ERF: variants seen among roughly 807,000 people sequenced by gnomAD.
ERF encodes ETS2 repressor factor, also known as ETS domain-containing transcription factor ERF.
In ERF, 10 loss-of-function variants were observed where a neutral mutation model predicts 41.6. That is an observed-to-expected ratio of 0.24 (90% CI 0.15 to 0.41). The LOEUF is 0.41. Ranked by LOEUF, ERF falls within the 10% of genes least tolerant of loss-of-function variation. The pLI, the probability that ERF is intolerant of heterozygous loss-of-function variation, is 1.00. For synonymous variants in ERF, 395 were observed against 342.4 expected, an observed-to-expected ratio of 1.15 and a Z score of -1.70; for missense variants, 621 against 763.2, an observed-to-expected ratio of 0.81 and a Z score of 2.19.
chr19:42,253,117 T>C (rs899604856), intron 1 of ERF, among the ~76,000 whole-genome samples: 3 of 152,132 alleles, frequency 2.0e-5, no homozygotes, highest in African/African-American at 7.2e-5. Flanking sequence ...ACAAAACTCC[T>C]GGGCACCCCC....
In ERF at chr19:42,250,164, CTG is replaced by C. The variant is rs562933325; in HGVS notation, c.257+165_257+166del. ...ACTGTAATCTCTCCTCAGGATACGT[CTG>C]TGTTACCAAGGGGCTCAGGGAAGGG... On this transcript the variant is annotated intron_variant, in intron 2 of 3. Transcript: ENST00000222329. This position sits in a 1 kb window ranked among gnomAD's most constrained non-coding sequence, Gnocchi z 5.1. The C allele has an allele frequency of 1.8e-4, 144 of 803,754 alleles. 1 individual carries two copies. The African/African-American group carries it at 2.3e-3, about 13-fold the overall frequency. The allele number at this position is 803,754 out of a possible 1,614,324, so 49.8% of individuals were successfully genotyped here.
chr19:42,254,162 G>A (rs1227505582), intron 1 of ERF, among the ~76,000 whole-genome samples: 1 of 151,918 alleles, frequency 6.6e-6, no homozygotes, highest in South Asian at 2.1e-4. Context: ...GCAAGTTGGC[G>A]GGGAAGAGAG....
chr19:42,253,703 A>AT (rs1232331176), intron 1 of ERF: 1 of 272,700 alleles, frequency 3.7e-6, no homozygotes, highest in Non-Finnish European at 5.6e-6. Context: ...CCGGGTCCCA[A>AT]TCCCCTGGCG....
rs768002948 is a variant in ERF, at chr19:42,249,281, G to A, written c.831C>T (p.Tyr277=). 2 of 1,606,110 alleles carry A rather than the reference G, an allele frequency of 1.2e-6. No homozygotes were observed. The highest frequency in any genetic ancestry group is 2.2e-5 in the East Asian group (1 of 44,544). The change falls in exon 4 of 4, where the codon TAC becomes TAT. Residue 277 remains tyrosine, a synonymous_variant. Coordinates refer to ENST00000222329, the MANE Select transcript of ERF (RefSeq NM_006494.4). The surrounding 1 kb of genome is among the most constrained non-coding windows in gnomAD (Gnocchi z 8.6). ...TCGGGCTCAGCGTGGGCGAGGGAGTGTAGGCCAGGTGGGTGGGCGTCATGG... is the reference window on the plus strand; with the variant it reads ...TCGGGCTCAGCGTGGGCGAGGGAGTATAGGCCAGGTGGGTGGGCGTCATGG... The part of the protein sequence containing the change: ...ALPMTPTHLA[Y]TPSPTLSPMY...
chr19:42,255,031 C>A lies in ERF; in HGVS notation c.-32G>T. ...GGGCCCGGGGCGAAGCGCCCCGATT[C>A]CGGGCCGCGGCTCCCGGCGCCCTCG... On this transcript the variant is annotated 5_prime_UTR_variant, in exon 1 of 4. Transcript: ENST00000222329. 7.2e-7 allele frequency: 1 copy of A among 1,389,348 alleles called. No individual in the cohort carries two copies. Among genetic ancestry groups the A allele is most frequent in the Non-Finnish European group, 9.3e-7 (1 of 1,072,308 alleles). 86.1% of individuals were successfully genotyped at this position (1,389,348 alleles called of 1,614,324 possible).
intron 1 of ERF, among the ~76,000 whole-genome samples, chr19:42,251,068 A>G (rs2036437278): frequency 6.6e-6 from 1 of 151,396 alleles, no homozygotes; most frequent in Non-Finnish European, 1.5e-5. Context: ...ACCTGAGAGG[A>G]AGATTTTTTT....
At position 42,248,615 on chromosome 19, in the gene ERF, G is replaced by GC. The variant is rs773520356; in HGVS notation, c.1496dup (p.Ala501ArgfsTer5). 6.3e-7 allele frequency: 1 copy of GC among 1,581,176 alleles called. No individual in the cohort carries two copies. Among genetic ancestry groups the GC allele is most frequent in the Non-Finnish European group, 8.6e-7 (1 of 1,161,614 alleles). ...CCTCATCCTCAAAGCCCCCAGCGGG[G>GC]CCCCCACCCCCTTCGAGGCGACAGT... On this transcript the variant is annotated frameshift_variant, in exon 4 of 4. Coordinates refer to ENST00000222329, the MANE Select transcript of ERF (RefSeq NM_006494.4). LOFTEE classifies it high-confidence loss of function. The surrounding 1 kb of genome is among the most constrained non-coding windows in gnomAD (Gnocchi z 4.2).
rs1366176199 is a variant in ERF, at chr19:42,248,542, GC to G, written c.1569del (p.Leu525SerfsTer6). 1.7e-5 allele frequency: 26 copies of G among 1,548,624 alleles called. No homozygotes were observed. The highest frequency in any genetic ancestry group is 4.1e-5 in the Admixed American group (2 of 49,238). On this transcript the variant is annotated frameshift_variant, in exon 4 of 4. Transcript: ENST00000222329. LOFTEE classifies it high-confidence loss of function. This position sits in a 1 kb window ranked among gnomAD's most constrained non-coding sequence, Gnocchi z 4.2. ...GAGCTCACCCGCCTTGGGGTGAGGG[GC>G]CCCCCAGCCTCCCCAGGCCCCTCCC... ...VRGEGPGEAG[G>X]PLTPRRVSSD... is the part of the protein sequence containing the mutation.
rs1240101998 is a variant in ERF, at chr19:42,249,692, G to T, written c.420C>A (p.Ser140Arg). 2 of 1,599,724 alleles carry T rather than the reference G, an allele frequency of 1.3e-6. No homozygotes were observed. Among genetic ancestry groups the T allele is most frequent in the South Asian group, 2.2e-5 (2 of 88,980 alleles). The change falls in exon 4 of 4, where the codon AGC becomes AGA. Residue 140 changes from serine (S) to arginine (R), a missense_variant. Ser to Arg is a moderately radical substitution (Grantham distance 110, BLOSUM62 -1). Coordinates refer to ENST00000222329, the MANE Select transcript of ERF (RefSeq NM_006494.4). The surrounding 1 kb of genome is among the most constrained non-coding windows in gnomAD (Gnocchi z 8.6). ...GCGTTGAGGGAGGGAAGCGGAAGTG[G>T]CTACCACCCGACGGCACTGGCGGGG... The part of the protein sequence containing the change: ...QSAPPVPSGG[S>R]HFRFPPSTPS...
At position 42,253,615 on chromosome 19, in the gene ERF, G is replaced by A. The variant is rs1012874023; in HGVS notation, c.22+1363C>T. ...AGCCACCCGGGAGCGAGTGGAAGCC[G>A]GGGGAGTGTGTAGGACGCACGTGAC... On this transcript the variant is annotated intron_variant, in intron 1 of 3. Coordinates refer to ENST00000222329, the MANE Select transcript of ERF (RefSeq NM_006494.4). Among the ~76,000 whole-genome samples, 7 of 152,106 alleles carry A rather than the reference G, an allele frequency of 4.6e-5. No homozygotes were observed. The South Asian group carries it at 1.5e-3, about 32-fold the overall frequency.
At chr19:42,254,524 A>G (rs1214625361) in intron 1 of ERF, 2 of 155,118 alleles carry the variant, frequency 1.3e-5, no homozygotes, top group Non-Finnish European at 2.9e-5. Flanking sequence ...GCCATCCCGT[A>G]TCCCCCGCTA....
Position 42,248,456 on chromosome 19 carries a change from C to A in ERF, c.*9G>T. ...GGTGCGGGGCACACAGGTCCCCTGC[C>A]CACAGCCCTCAGGAGTCTCGGTGCT... On this transcript the variant is annotated 3_prime_UTR_variant, in exon 4 of 4. Coordinates refer to ENST00000222329, the MANE Select transcript of ERF (RefSeq NM_006494.4). This position sits in a 1 kb window ranked among gnomAD's most constrained non-coding sequence, Gnocchi z 4.2. 6.7e-7 allele frequency: 1 copy of A among 1,486,200 alleles called. No homozygotes were observed. 92.1% of individuals were successfully genotyped at this position (1,486,200 alleles called of 1,614,324 possible).
chr19:42,254,860 G>A (rs772148716), intron 1 of ERF, 118 bp downstream of exon 1: 414 of 1,193,232 alleles, frequency 3.5e-4, no homozygotes, highest in Non-Finnish European at 4.3e-4. Context: ...TGCTTGAGGG[G>A]TCCCCCAGAA....
Position 42,250,632 on chromosome 19 carries a change from C to G in ERF, c.23-67G>C. 6.7e-7 allele frequency: 1 copy of G among 1,488,196 alleles called. No homozygotes were observed. Among genetic ancestry groups the G allele is most frequent in the African/African-American group, 1.4e-5 (1 of 72,292 alleles). The allele number at this position is 1,488,196 out of a possible 1,614,324, so 92.2% of individuals were successfully genotyped here. A position where few individuals can be genotyped will look rare whatever the true frequency, so the allele number is the denominator to read the frequency against. On this transcript the variant is annotated intron_variant, in intron 1 of 3. Transcript: ENST00000222329. This position sits in a 1 kb window ranked among gnomAD's most constrained non-coding sequence, Gnocchi z 5.1. Reference sequence around the variant, plus strand: ...AAGTCCAGGGCTCTGGGTCCCATCCCAGGGTCCACCTCTGCCCTGCCTTCA... The same window carrying G: ...AAGTCCAGGGCTCTGGGTCCCATCCGAGGGTCCACCTCTGCCCTGCCTTCA...
rs1474509260 is a variant in ERF, at chr19:42,255,063, C to T, written c.-64G>A. The T allele has an allele frequency of 1.7e-5, 22 of 1,261,262 alleles. No homozygotes were observed. Among genetic ancestry groups the T allele is most frequent in the Middle Eastern group, 2.8e-4 (1 of 3,526 alleles). The allele number at this position is 1,261,262 out of a possible 1,614,324, so 78.1% of individuals were successfully genotyped here. On this transcript the variant is annotated 5_prime_UTR_variant, in exon 1 of 4. Transcript: ENST00000222329. ...GCGGCTCCCGGCGCCCTCGCTGCCC[C>T]GTCCCGTCCCGCGCCCGTCGGGCCG...
chr19:42,253,233 C>T (rs941209087), intron 1 of ERF, among the ~76,000 whole-genome samples: 2 of 152,198 alleles, frequency 1.3e-5, no homozygotes, highest in African/African-American at 4.8e-5. Context: ...GCCCCACCAC[C>T]TCCCCCACTC....
Position 42,250,157 on chromosome 19 carries a change from G to C in ERF, c.257+174C>G. ...ACTGGTGACTGTAATCTCTCCTCAG[G>C]ATACGTCTGTGTTACCAAGGGGCTC... On this transcript the variant is annotated intron_variant, in intron 2 of 3. Transcript: ENST00000222329. This position sits in a 1 kb window ranked among gnomAD's most constrained non-coding sequence, Gnocchi z 5.1. The C allele has an allele frequency of 2.6e-6, 2 of 782,424 alleles. No homozygotes were observed. Among genetic ancestry groups the C allele is most frequent in the Non-Finnish European group, 4.1e-6 (2 of 487,510 alleles). The allele number at this position is 782,424 out of a possible 1,614,324, so 48.5% of individuals were successfully genotyped here.
At position 42,249,515 on chromosome 19, in the gene ERF, C is replaced by T. The variant is rs778540681; in HGVS notation, c.597G>A (p.Pro199=). The change falls in exon 4 of 4, where the codon CCG becomes CCA. Residue 199 remains proline, a synonymous_variant. Coordinates refer to ENST00000222329, the MANE Select transcript of ERF (RefSeq NM_006494.4). The surrounding 1 kb of genome is among the most constrained non-coding windows in gnomAD (Gnocchi z 8.6). ...CSDGTSELEE[P]LGEDPRARPP... ...GTCGGGCGCGGGGATCCTCTCCCAG[C>T]GGTTCCTCCAGCTCTGACGTGCCAT... The T allele has an allele frequency of 2.0e-5, 33 of 1,612,654 alleles. No individual in the cohort carries two copies. Among genetic ancestry groups the T allele is most frequent in the African/African-American group, 1.1e-4 (8 of 74,898 alleles).
intron 1 of ERF, 76 bp downstream of exon 1, chr19:42,254,902 T>C: frequency 6.8e-7 from 1 of 1,467,348 alleles, no homozygotes; most frequent in Non-Finnish European, 9.1e-7. Flanking sequence ...CCGGACCCCT[T>C]CAGCCCCCCC....
Sources: allele counts gnomAD v4.1 joint callset (sites outside exome capture counted in the v4.1 genomes callset), GRCh38; gene constraint gnomAD v4.1.1; non-coding constraint Gnocchi (gnomAD v3.1); transcripts MANE v1.5; gene names NCBI Gene and HGNC (gene_info 2026-07-23, HGNC 2026-07-21).